Variants in ASTN2 observed in about 807,000 individuals in gnomAD.
The protein encoded by ASTN2 is astrotactin 2.
In ASTN2, 54 loss-of-function variants were observed where a neutral mutation model predicts 139.8. The observed-to-expected ratio is 0.39, with a 90% CI of 0.31 to 0.48. ASTN2 has a LOEUF of 0.48. ASTN2 is among the 20% of genes least tolerant of loss of function. The probability of loss-of-function intolerance (pLI) is 0.95; values close to 1 mark genes in which losing one functional copy is unlikely to be tolerated. For missense variants in ASTN2, 1,565 were observed against 1,725.1 expected, an observed-to-expected ratio of 0.91 and a Z score of 1.64; for synonymous variants, 756 against 719.5, an observed-to-expected ratio of 1.05 and a Z score of -0.81.
chr9:116,477,284 C>T (rs568610066), intron 20 of ASTN2, among the ~76,000 whole-genome samples: 1 of 152,198 alleles, frequency 6.6e-6, no homozygotes, highest in Non-Finnish European at 1.5e-5. Context: ...GACAGCTATT[C>T]CCCTCTCCCA....
In ASTN2 at chr9:117,324,138, T is replaced by C. The variant is rs942821120; in HGVS notation, c.443-32625A>G. On this transcript the variant is annotated intron_variant, in intron 1 of 22. Coordinates refer to ENST00000313400, the MANE Select transcript of ASTN2 (RefSeq NM_001365068.1). ...AAAAGGAAGCCCAACCCAGCCACAC[T>C]CATGCAAGCTCACAGGAGGCCAGGA... 2.6e-5 allele frequency among the ~76,000 whole-genome samples: 4 copies of C among 152,236 alleles called. No individual in the cohort carries two copies. In the South Asian group the frequency reaches 8.3e-4, roughly 32 times the overall value.
intron 10 of ASTN2, among the ~76,000 whole-genome samples, chr9:116,901,949 C>T (rs577767404): frequency 5.3e-5 from 8 of 152,208 alleles, no homozygotes; most frequent in African/African-American, 1.9e-4. Context: ...TACTTGAACC[C>T]GGGAGGCAGA....
intron 19 of ASTN2, among the ~76,000 whole-genome samples, chr9:116,589,539 C>A (rs1173726904): frequency 1.3e-5 from 2 of 152,116 alleles, no homozygotes; most frequent in African/African-American, 4.8e-5. Flanking sequence ...TAATTCCTGC[C>A]ACTGCCACAT....
intron 16 of ASTN2, among the ~76,000 whole-genome samples, chr9:116,675,909 G>A (rs1859472243): frequency 6.6e-6 from 1 of 152,178 alleles, no homozygotes; most frequent in Non-Finnish European, 1.5e-5. Flanking sequence ...AAAAGTTTGA[G>A]CTTTGCCAGG....
intron 1 of ASTN2, among the ~76,000 whole-genome samples, chr9:117,326,868 T>C (rs1257963740): frequency 2.0e-5 from 3 of 152,122 alleles, no homozygotes; most frequent in Admixed American, 6.5e-5. Context: ...ACACTTGATA[T>C]GGAATTTGAA....
At chr9:116,764,630 T>G (rs1281570885) in intron 13 of ASTN2, among the ~76,000 whole-genome samples, 1 of 152,238 alleles carries the variant, frequency 6.6e-6, no homozygotes, top group African/African-American at 2.4e-5. Flanking sequence ...TGTGGATAAC[T>G]TCATTACTAT....
At chr9:117,245,401 C>T (rs538222336) in intron 2 of ASTN2, among the ~76,000 whole-genome samples, 67 of 152,298 alleles carry the variant, frequency 4.4e-4, no homozygotes, top group African/African-American at 1.6e-3. Flanking sequence ...CTTCAAGTGG[C>T]GGGAGGCCCA....
At chr9:116,607,239 C>T (rs1564149126) in intron 19 of ASTN2, among the ~76,000 whole-genome samples, 1 of 152,196 alleles carries the variant, frequency 6.6e-6, no homozygotes, top group Admixed American at 6.5e-5. Context: ...ATATGCAATT[C>T]AGTTCAGTGA....
intron 20 of ASTN2, among the ~76,000 whole-genome samples, chr9:116,482,550 C>A (rs1027544927): frequency 2.0e-5 from 3 of 152,146 alleles, no homozygotes; most frequent in African/African-American, 7.2e-5. Flanking sequence ...TCCGGGCTCA[C>A]TGAACTTAAC....
intron 11 of ASTN2, among the ~76,000 whole-genome samples, chr9:116,849,166 C>T (rs1235313312): frequency 6.6e-6 from 1 of 152,190 alleles, no homozygotes; most frequent in Non-Finnish European, 1.5e-5. Flanking sequence ...TCCAGGAACC[C>T]CCATGTGTTC....
chr9:117,338,594 G>A (rs1265887928), intron 1 of ASTN2, among the ~76,000 whole-genome samples: 1 of 152,066 alleles, frequency 6.6e-6, no homozygotes, highest in Non-Finnish European at 1.5e-5. Context: ...AGAAGAAAAC[G>A]ATCAATCATA....
intron 10 of ASTN2, among the ~76,000 whole-genome samples, chr9:116,907,534 T>C (rs1310292333): frequency 1.3e-5 from 2 of 152,264 alleles, no homozygotes; most frequent in South Asian, 2.1e-4. Flanking sequence ...GGCTCTCCCA[T>C]TGGTGTTAAG....
chr9:116,959,326 C>T (rs1398473582), intron 10 of ASTN2, among the ~76,000 whole-genome samples: 2 of 152,092 alleles, frequency 1.3e-5, no homozygotes, highest in Non-Finnish European at 2.9e-5. Flanking sequence ...TAAAAGCACT[C>T]AAGAAGGCTG....
At chr9:117,084,711 T>C (rs1159894285) in intron 5 of ASTN2, among the ~76,000 whole-genome samples, 1 of 152,210 alleles carries the variant, frequency 6.6e-6, no homozygotes, top group East Asian at 1.9e-4. Flanking sequence ...AATGGGGGGA[T>C]ACACTCCATA....
chr9:116,769,083 G>C (rs1324017705), intron 13 of ASTN2, among the ~76,000 whole-genome samples: 1 of 152,168 alleles, frequency 6.6e-6, no homozygotes, highest in African/African-American at 2.4e-5. Flanking sequence ...TGCTCTGAAA[G>C]TCTGTAGCCC....
chr9:116,482,735 C>T (rs1347009354), intron 20 of ASTN2, among the ~76,000 whole-genome samples: 1 of 152,188 alleles, frequency 6.6e-6, no homozygotes, highest in African/African-American at 2.4e-5. Flanking sequence ...TCTACCCACC[C>T]CGCTAAGATA....
intron 10 of ASTN2, among the ~76,000 whole-genome samples, chr9:116,905,866 T>TTTGGG (rs1564333913): frequency 9.2e-5 from 3 of 32,628 alleles, no homozygotes; most frequent in African/African-American, 1.4e-4. Flanking sequence ...TTTTTTTTTT[T>TTTGGG]GGGGGGGGGT....
chr9:116,963,221 A>T (rs1216016837), intron 10 of ASTN2, among the ~76,000 whole-genome samples: 1 of 152,210 alleles, frequency 6.6e-6, no homozygotes, highest in African/African-American at 2.4e-5. Context: ...AGAGGAAGTG[A>T]TGCTTCTGTA....
chr9:117,201,987 G>A (rs544800102), intron 3 of ASTN2, among the ~76,000 whole-genome samples: 25 of 152,124 alleles, frequency 1.6e-4, no homozygotes, highest in Non-Finnish European at 3.1e-4. Context: ...TCTCATCATA[G>A]GTCTCTAAGA....
Sources: gnomAD v4.1 joint callset for allele counts (sites outside exome capture counted in the v4.1 genomes callset) on GRCh38, gnomAD v4.1.1 for gene constraint, MANE v1.5 for transcripts, NCBI Gene and HGNC (gene_info 2026-07-23, HGNC 2026-07-21) for gene names.